Variants in COP1 observed in about 807,000 individuals in gnomAD.
COP1 encodes the protein COP1 E3 ubiquitin ligase, also known as E3 ubiquitin-protein ligase COP1.
A neutral mutation model predicts 101.3 loss-of-function variants in COP1; 24 were observed. The ratio of observed to expected loss-of-function variants is 0.24; its 90% CI spans 0.17 to 0.33. COP1 has a LOEUF of 0.33. Ranked by LOEUF, COP1 falls within the 10% of genes least tolerant of loss-of-function variation. The probability of loss-of-function intolerance (pLI) is 1.00; values close to 1 mark genes in which losing one functional copy is unlikely to be tolerated. For missense variants in COP1, 663 were observed against 906.2 expected, an observed-to-expected ratio of 0.73 and a Z score of 3.45; for synonymous variants, 347 against 341.9, an observed-to-expected ratio of 1.01 and a Z score of -0.17.
rs562410182 is a variant in COP1, at chr1:176,206,992, C to A, written c.-14G>T. On this transcript the variant is annotated 5_prime_UTR_variant, in exon 1 of 20. Transcript: ENST00000367669. Reference sequence around the variant, plus strand: ...GCTACCAGACATCGTGACTCCCTCCCCTCCAGCCGGGCGCTCGGAGGAGAG... The same window carrying A: ...GCTACCAGACATCGTGACTCCCTCCACTCCAGCCGGGCGCTCGGAGGAGAG... The A allele has an allele frequency of 2.3e-5, 32 of 1,367,828 alleles. No homozygotes were observed. The East Asian group carries it at 8.3e-4, about 36-fold the overall frequency. The allele number at this position is 1,367,828 out of a possible 1,614,324, so 84.7% of individuals were successfully genotyped here.
chr1:176,008,866 A>T (rs1664073391), intron 15 of COP1, among the ~76,000 whole-genome samples: 1 of 152,226 alleles, frequency 6.6e-6, no homozygotes, highest in Non-Finnish European at 1.5e-5. Context: ...TTTTAAGTCC[A>T]GCTGAGTAGG....
intron 19 of COP1, among the ~76,000 whole-genome samples, chr1:175,945,395 A>G (rs7522442): frequency 0.86 from 131,435 of 152,264 alleles, 58,815 homozygotes; most frequent in Non-Finnish European, 0.98. Context: ...GTTAACTTGG[A>G]AGCCTTCAAG....
intron 11 of COP1, among the ~76,000 whole-genome samples, chr1:176,051,648 TATC>T (rs1166629894): frequency 2.0e-5 from 3 of 152,164 alleles, no homozygotes; most frequent in Non-Finnish European, 4.4e-5. Context: ...CAGAAGATCT[TATC>T]ATAGGAGATG....
At chr1:176,007,137 G>A (rs1413708070) in intron 15 of COP1, among the ~76,000 whole-genome samples, 17 of 151,846 alleles carry the variant, frequency 1.1e-4, no homozygotes, top group African/African-American at 2.2e-4. Flanking sequence ...TGATCGCATC[G>A]GCTCCTGAGG....
At chr1:176,036,468 C>T (rs1304317551) in intron 14 of COP1, among the ~76,000 whole-genome samples, 1 of 143,604 alleles carries the variant, frequency 7.0e-6, no homozygotes, top group Non-Finnish European at 1.5e-5. Flanking sequence ...AAGATGACTT[C>T]ATCACAGCTT....
chr1:175,999,601 G>A (rs1222908901), intron 15 of COP1, among the ~76,000 whole-genome samples: 1 of 151,972 alleles, frequency 6.6e-6, no homozygotes, highest in Non-Finnish European at 1.5e-5. Flanking sequence ...TCATATAGAA[G>A]TTGCCTTTCT....
chr1:176,037,432 A>AG (rs1669762684), intron 14 of COP1, among the ~76,000 whole-genome samples: 1 of 151,874 alleles, frequency 6.6e-6, no homozygotes, highest in South Asian at 2.1e-4. Context: ...AAGAAAAAAA[A>AG]AAACACATAG....
chr1:176,104,877 G>A (rs1185829574), intron 9 of COP1, among the ~76,000 whole-genome samples: 1 of 152,048 alleles, frequency 6.6e-6, no homozygotes, highest in African/African-American at 2.4e-5. Context: ...CAAAATAATG[G>A]AAACTGCGTA....
intron 1 of COP1, among the ~76,000 whole-genome samples, chr1:176,206,018 C>G (rs1489194172): frequency 6.6e-6 from 1 of 152,218 alleles, no homozygotes; most frequent in African/African-American, 2.4e-5. Flanking sequence ...TTTACACATA[C>G]ATACGATAGG....
At chr1:175,981,328 T>C (rs896424907) in intron 18 of COP1, among the ~76,000 whole-genome samples, 4 of 152,278 alleles carry the variant, frequency 2.6e-5, no homozygotes, top group South Asian at 4.1e-4. Flanking sequence ...CATTGAGAAG[T>C]TGGCTGTCAG....
intron 18 of COP1, among the ~76,000 whole-genome samples, chr1:175,975,330 G>A (rs1297487361): frequency 6.6e-6 from 1 of 152,040 alleles, no homozygotes; most frequent in African/African-American, 2.4e-5. Flanking sequence ...GAGTTAATAT[G>A]GCATTTAAAC....
At chr1:176,018,426 C>A (rs1056678910) in intron 15 of COP1, 1 of 152,224 alleles carries the variant, frequency 6.6e-6, no homozygotes, top group Admixed American at 6.5e-5. Context: ...AAAACCCAGT[C>A]CTCCCTCACC....
chr1:176,048,706 C>T (rs1671935726), intron 11 of COP1, among the ~76,000 whole-genome samples: 1 of 152,138 alleles, frequency 6.6e-6, no homozygotes, highest in Non-Finnish European at 1.5e-5. Context: ...ACTTTTTCTC[C>T]GCCTACTCAT....
intron 11 of COP1, among the ~76,000 whole-genome samples, chr1:176,078,067 T>C (rs551296340): frequency 1.3e-5 from 2 of 152,282 alleles, no homozygotes; most frequent in Non-Finnish European, 2.9e-5. Context: ...AATGGCAATA[T>C]TGTTCAAAGC....
chr1:176,207,053 C>G lies in COP1; in HGVS notation c.-75G>C. On this transcript the variant is annotated 5_prime_UTR_variant, in exon 1 of 20. Coordinates refer to ENST00000367669, the MANE Select transcript of COP1 (RefSeq NM_022457.7). ...CTCGACCCTCCGCCGCCTCCCCTCCCCTCAGCCTCAGTGCATCCTGAGGAC... is the reference window on the plus strand; with the variant it reads ...CTCGACCCTCCGCCGCCTCCCCTCCGCTCAGCCTCAGTGCATCCTGAGGAC... 1 of 1,231,492 alleles carries G rather than the reference C, an allele frequency of 8.1e-7. No individual in the cohort carries two copies. 76.3% of individuals were successfully genotyped at this position (1,231,492 alleles called of 1,614,324 possible).
chr1:176,069,687 T>A (rs1676630556), intron 11 of COP1, among the ~76,000 whole-genome samples: 1 of 152,230 alleles, frequency 6.6e-6, no homozygotes, highest in Non-Finnish European at 1.5e-5. Flanking sequence ...TTTGACACCT[T>A]GCCAGCAAAT....
chr1:176,200,671 G>C (rs545092464), intron 1 of COP1, among the ~76,000 whole-genome samples: 1 of 151,850 alleles, frequency 6.6e-6, no homozygotes, highest in East Asian at 1.9e-4. Flanking sequence ...AAAAATGAAA[G>C]GACAACTAAC....
chr1:175,984,072 CAGAA>C (rs1214967357), intron 18 of COP1, among the ~76,000 whole-genome samples: 2 of 152,192 alleles, frequency 1.3e-5, no homozygotes, highest in Admixed American at 6.5e-5. Context: ...AAGCTGGCTG[CAGAA>C]ATTTGCATAA....
chr1:176,015,216 C>T (rs370585976), intron 15 of COP1, among the ~76,000 whole-genome samples: 8 of 152,210 alleles, frequency 5.3e-5, no homozygotes, highest in South Asian at 2.1e-4. Context: ...AAAGCAGGAA[C>T]GCAGGATAAA....
Sources: gnomAD v4.1 joint callset for allele counts (sites outside exome capture counted in the v4.1 genomes callset) on GRCh38, gnomAD v4.1.1 for gene constraint, MANE v1.5 for transcripts, NCBI Gene and HGNC (gene_info 2026-07-23, HGNC 2026-07-21) for gene names.